Variants in CACNA1E observed in about 807,000 individuals in gnomAD.
The protein encoded by CACNA1E is calcium voltage-gated channel subunit alpha1 E.
In CACNA1E, 40 loss-of-function variants were observed where a neutral mutation model predicts 259.2. That is an observed-to-expected ratio of 0.15 (90% CI 0.12 to 0.20). The LOEUF (loss-of-function observed/expected upper bound fraction) is 0.20, where lower values mean the gene tolerates loss of function less well. CACNA1E is among the 10% of genes least tolerant of loss of function. The probability of loss-of-function intolerance (pLI) is 1.00; values close to 1 mark genes in which losing one functional copy is unlikely to be tolerated. For synonymous variants in CACNA1E, 1,104 were observed against 1,138.5 expected (o/e 0.97, Z 0.61); for missense variants, 1,874 against 3,040.1 (o/e 0.62, Z 9.02).
intron 2 of CACNA1E, among the ~76,000 whole-genome samples, chr1:181,429,885 C>A (rs1350855517): frequency 2.0e-5 from 3 of 152,208 alleles, no homozygotes; most frequent in Admixed American, 6.5e-5. Flanking sequence ...ACAAGCTCTT[C>A]AGGTGATTGA....
chr1:181,585,966 T>C (rs891996684), intron 6 of CACNA1E, among the ~76,000 whole-genome samples: 3 of 152,122 alleles, frequency 2.0e-5, no homozygotes, highest in Non-Finnish European at 4.4e-5. Flanking sequence ...CTGACTTGTG[T>C]TTGAAAAAGG....
At chr1:181,637,254 T>C (rs1290176160) in intron 6 of CACNA1E, among the ~76,000 whole-genome samples, 1 of 152,222 alleles carries the variant, frequency 6.6e-6, no homozygotes, top group East Asian at 1.9e-4. Context: ...AGAAGTTCTT[T>C]GTGGCAAGAT....
intron 6 of CACNA1E, among the ~76,000 whole-genome samples, chr1:181,616,568 G>C (rs1007823202): frequency 2.6e-5 from 4 of 152,094 alleles, no homozygotes; most frequent in Non-Finnish European, 5.9e-5. Flanking sequence ...ACGAAAATTA[G>C]CTGGGTGTGG....
chr1:181,580,229 G>A (rs1651391771), intron 5 of CACNA1E, among the ~76,000 whole-genome samples: 1 of 152,070 alleles, frequency 6.6e-6, no homozygotes, highest in Admixed American at 6.5e-5. Context: ...AAGAACTCAG[G>A]GCTCATCCTG....
chr1:181,692,860 C>G (rs1651308668), intron 7 of CACNA1E, among the ~76,000 whole-genome samples: 1 of 151,900 alleles, frequency 6.6e-6, no homozygotes, highest in African/African-American at 2.4e-5. Flanking sequence ...AACAGACAAC[C>G]TACAGAATGA....
At chr1:181,685,763 A>C (rs1341141381) in intron 7 of CACNA1E, among the ~76,000 whole-genome samples, 2 of 152,146 alleles carry the variant, frequency 1.3e-5, no homozygotes, top group African/African-American at 2.4e-5. Flanking sequence ...GACCTTTTGG[A>C]ATACTTCACC....
At chr1:181,640,012 C>T (rs1657607421) in intron 6 of CACNA1E, among the ~76,000 whole-genome samples, 1 of 152,132 alleles carries the variant, frequency 6.6e-6, no homozygotes, top group Non-Finnish European at 1.5e-5. Flanking sequence ...ATACAGGCAC[C>T]TACTCAAGGG....
At chr1:181,405,933 A>C (rs1319670122) in intron 1 of CACNA1E, among the ~76,000 whole-genome samples, 1 of 152,218 alleles carries the variant, frequency 6.6e-6, no homozygotes, top group Non-Finnish European at 1.5e-5. Context: ...TGTTTTTGTA[A>C]ATAAAAAATT....
At chr1:181,645,206 A>G (rs753954439) in intron 6 of CACNA1E, among the ~76,000 whole-genome samples, 8 of 152,188 alleles carry the variant, frequency 5.3e-5, no homozygotes, top group Non-Finnish European at 1.0e-4. Context: ...TGATTGTTCT[A>G]AAAGTTGGGA....
intron 1 of CACNA1E, among the ~76,000 whole-genome samples, chr1:181,379,225 A>G (rs1655299967): frequency 6.6e-6 from 1 of 152,218 alleles, no homozygotes; most frequent in African/African-American, 2.4e-5. Flanking sequence ...CTGTGGAACA[A>G]CTTTGGGCAG....
At chr1:181,334,329 T>G (rs1022164555) in intron 1 of CACNA1E, among the ~76,000 whole-genome samples, 1 of 152,234 alleles carries the variant, frequency 6.6e-6, no homozygotes, top group African/African-American at 2.4e-5. Context: ...CTTCTTTATC[T>G]ATAATCACTT....
At chr1:181,332,857 G>T (rs1422816702) in intron 1 of CACNA1E, among the ~76,000 whole-genome samples, 2 of 152,166 alleles carry the variant, frequency 1.3e-5, no homozygotes, top group African/African-American at 2.4e-5. Flanking sequence ...GGACCCCACA[G>T]TCTCCTAAAA....
At chr1:181,541,492 G>T (rs1308245019) in intron 3 of CACNA1E, among the ~76,000 whole-genome samples, 1 of 152,002 alleles carries the variant, frequency 6.6e-6, no homozygotes, top group Non-Finnish European at 1.5e-5. Flanking sequence ...ATGGTAACAG[G>T]ATCGTTGAGA....
chr1:181,556,920 T>G (rs759883989), intron 3 of CACNA1E, among the ~76,000 whole-genome samples: 6 of 152,190 alleles, frequency 3.9e-5, no homozygotes, highest in African/African-American at 1.4e-4. Context: ...TCACACAGAA[T>G]TTTTAGTACT....
intron 6 of CACNA1E, among the ~76,000 whole-genome samples, chr1:181,628,490 CT>C (rs1240464606): frequency 6.6e-6 from 1 of 152,160 alleles, no homozygotes; most frequent in Non-Finnish European, 1.5e-5. Flanking sequence ...TCACATGAAT[CT>C]TCTTTTTATC....
intron 6 of CACNA1E, among the ~76,000 whole-genome samples, chr1:181,640,799 C>G (rs1657676867): frequency 6.6e-6 from 1 of 152,178 alleles, no homozygotes; most frequent in African/African-American, 2.4e-5. Context: ...AGAAGAATGC[C>G]AGCAGGTTTC....
intron 3 of CACNA1E, among the ~76,000 whole-genome samples, chr1:181,559,278 A>G (rs1410981220): frequency 6.6e-6 from 1 of 152,206 alleles, no homozygotes; most frequent in African/African-American, 2.4e-5. Flanking sequence ...GATTGCACAG[A>G]ATATGTGCAG....
chr1:181,793,989 C>T (rs1661564187), intron 45 of CACNA1E, among the ~76,000 whole-genome samples, 196 bp downstream of exon 45: 1 of 152,204 alleles, frequency 6.6e-6, no homozygotes, highest in African/African-American at 2.4e-5. Context: ...ACCACAACAG[C>T]CCAGCGAACA....
intron 2 of CACNA1E, among the ~76,000 whole-genome samples, chr1:181,456,009 G>T (rs1487205754): frequency 6.6e-6 from 1 of 152,216 alleles, no homozygotes; most frequent in Non-Finnish European, 1.5e-5. Flanking sequence ...AAAATGGGAA[G>T]AGAGCCTGTT....
Sources: allele counts gnomAD v4.1 joint callset (sites outside exome capture counted in the v4.1 genomes callset), GRCh38; gene constraint gnomAD v4.1.1; transcripts MANE v1.5; gene names NCBI Gene and HGNC (gene_info 2026-07-23, HGNC 2026-07-21).